AP3D1: variants seen among roughly 807,000 people sequenced by gnomAD.
The protein encoded by AP3D1 is adaptor related protein complex 3 subunit delta 1.
AP3D1 carries 51 observed loss-of-function variants against 147.6 expected under a neutral mutation model. That is an observed-to-expected ratio of 0.35 (90% CI 0.28 to 0.44). The LOEUF is 0.44. AP3D1 is among the 20% of genes least tolerant of loss of function. AP3D1 has a pLI of 1.00. For synonymous variants in AP3D1, 760 were observed against 663.0 expected, an observed-to-expected ratio of 1.15 and a Z score of -2.25; for missense variants, 1,421 against 1,624.2, an observed-to-expected ratio of 0.87 and a Z score of 2.15.
At chr19:2,131,418 C>T (rs1334580238) in intron 5 of AP3D1, among the ~76,000 whole-genome samples, 1 of 149,550 alleles carries the variant, frequency 6.7e-6, no homozygotes, top group African/African-American at 2.5e-5. Context: ...CCATCGGCCA[C>T]GATCTAGACA....
Position 2,139,316 on chromosome 19 carries a change from C to T in AP3D1, c.97-602G>A, listed in dbSNP as rs544267168. ...CACCGTTTGCCAACTCCTTGGTGGA[C>T]GAACATGTGGGGCCTTCCCACCTTC... On this transcript the variant is annotated intron_variant, in intron 1 of 31. Transcript: ENST00000643116. Among the ~76,000 whole-genome samples, 6 of 152,212 alleles carry T rather than the reference C, an allele frequency of 3.9e-5. No individual in the cohort carries two copies. The South Asian group carries it at 1.2e-3, about 32-fold the overall frequency.
intron 12 of AP3D1, 120 bp downstream of exon 12, chr19:2,121,614 C>T (rs1188088675): frequency 1.0e-5 from 14 of 1,374,494 alleles, no homozygotes; most frequent in African/African-American, 2.9e-5. Context: ...TGCCCCACCA[C>T]ACTAACTGAT....
At chr19:2,115,038 G>A (rs1056104107) in intron 20 of AP3D1, among the ~76,000 whole-genome samples, 181 bp downstream of exon 20, 18 of 152,202 alleles carry the variant, frequency 1.2e-4, no homozygotes, top group African/African-American at 2.7e-4. Flanking sequence ...TGCTGGCCCT[G>A]GGGCGGTGCG....
rs935724899 is a variant in AP3D1, at chr19:2,101,377, C to T, written c.*796G>A. ...CAGCCCAGGTCCGCTGCTTCCAGGC[C>T]CTGCCTGGGCCTTCCTAAGGGTGCT... On this transcript the variant is annotated 3_prime_UTR_variant, in exon 32 of 32. Coordinates refer to ENST00000643116, the MANE Select transcript of AP3D1 (RefSeq NM_001261826.3). The T allele has an allele frequency of 2.0e-5, 3 of 152,232 alleles. No individual in the cohort carries two copies. Among genetic ancestry groups the T allele is most frequent in the African/African-American group, 7.2e-5 (3 of 41,450 alleles). 9.4% of individuals were successfully genotyped at this position (152,232 alleles called of 1,614,324 possible).
intron 8 of AP3D1, 116 bp from the exon 9 acceptor site, chr19:2,127,317 C>A: frequency 8.9e-7 from 1 of 1,129,076 alleles, no homozygotes. Context: ...AGGGAGTGTG[C>A]CCCAGGAGGG....
At chr19:2,103,154 CTA>C (rs548150532) in intron 31 of AP3D1, among the ~76,000 whole-genome samples, 41 of 152,228 alleles carry the variant, frequency 2.7e-4, no homozygotes, top group Non-Finnish European at 5.3e-4. Flanking sequence ...CAAAAAAACA[CTA>C]TGTGCAAATA....
At chr19:2,109,313 C>T (rs2018199078) in intron 29 of AP3D1, 106 bp from the exon 30 acceptor site, 4 of 1,424,200 alleles carry the variant, frequency 2.8e-6, no homozygotes, top group East Asian at 2.5e-5. Context: ...GGACACCCTC[C>T]TGTGTGTCTG....
intron 1 of AP3D1, among the ~76,000 whole-genome samples, chr19:2,140,884 G>A (rs1005089261): frequency 6.7e-6 from 1 of 149,810 alleles, no homozygotes; most frequent in Non-Finnish European, 1.5e-5. Context: ...TCAGCCTCCT[G>A]AGTAGCTAGG....
Position 2,110,780 on chromosome 19 carries a change from G to A in AP3D1, c.3102C>T (p.Leu1034=). Residue 1034 remains leucine (L), a synonymous_variant, in exon 27 of 32, where the codon CTC becomes CTT. Transcript: ENST00000643116. The stretch of plus-strand genomic sequence containing the variant: ...CCTGCGGCCGGGCCATCCTGGCATT[G>A]AGTGAGTCCAGCACGCTGAGCTCCA... The part of the protein sequence containing the change: ...KGMELSVLDS[L]NARMARPQGS... The A allele has an allele frequency of 6.2e-7, 1 of 1,613,204 alleles. No homozygotes were observed. Among genetic ancestry groups the A allele is most frequent in the Non-Finnish European group, 8.5e-7 (1 of 1,179,988 alleles).
At chr19:2,155,784 G>T (rs935595504), upstream of AP3D1, among the ~76,000 whole-genome samples, 5 of 152,116 alleles carry the variant, frequency 3.3e-5, no homozygotes, top group African/African-American at 1.2e-4. Flanking sequence ...CGGGCGCGGT[G>T]GCTCACGGCT....
At chr19:2,148,496 T>G (rs1403491379) in intron 1 of AP3D1, among the ~76,000 whole-genome samples, 2 of 152,214 alleles carry the variant, frequency 1.3e-5, no homozygotes, top group African/African-American at 4.8e-5. Flanking sequence ...GCATAACCAT[T>G]AAATTGAATT....
intron 6 of AP3D1, among the ~76,000 whole-genome samples, 200 bp downstream of exon 6, chr19:2,130,208 G>A: frequency 6.6e-6 from 1 of 152,132 alleles, no homozygotes; most frequent in Non-Finnish European, 1.5e-5. Context: ...CTGCCACATT[G>A]GATCTTACTG....
At position 2,123,967 on chromosome 19, in the gene AP3D1, C is replaced by T. The variant is rs1324971343; in HGVS notation, c.857-88G>A. 1.3e-5 allele frequency: 19 copies of T among 1,415,452 alleles called. No homozygotes were observed. The South Asian group carries it at 1.8e-4, about 14-fold the overall frequency. 87.7% of individuals were successfully genotyped at this position (1,415,452 alleles called of 1,614,324 possible). The stretch of plus-strand genomic sequence containing the variant: ...GGGCCACGGGGCACCAGCACCCCCT[C>T]GCCGGGAGGAGGGATGGGAGGGAGG... On this transcript the variant is annotated intron_variant, in intron 9 of 31. Transcript: ENST00000643116.
chr19:2,113,107 G>C, intron 23 of AP3D1, 140 bp from the exon 24 acceptor site: 1 of 664,654 alleles, frequency 1.5e-6, no homozygotes, highest in South Asian at 1.9e-5. Flanking sequence ...CGAGTGACAG[G>C]GAGCCTGTGA....
chr19:2,127,843 T>C (rs536650919), intron 8 of AP3D1, among the ~76,000 whole-genome samples: 1 of 152,316 alleles, frequency 6.6e-6, no homozygotes, highest in Non-Finnish European at 1.5e-5. Context: ...GGTGTTTCGA[T>C]GTGTTCAGAC....
chr19:2,156,586 C>T (rs2019647070), intron 1 of AP3D1, among the ~76,000 whole-genome samples: 1 of 151,476 alleles, frequency 6.6e-6, no homozygotes, highest in East Asian at 2.0e-4. Context: ...CGCGGTGGCT[C>T]ACGCCTGTAA....
upstream of AP3D1, among the ~76,000 whole-genome samples, chr19:2,153,057 TA>T (rs34417814): frequency 0.027 from 3,066 of 113,976 alleles, 99 homozygotes; most frequent in African/African-American, 0.083. Flanking sequence ...ACACCCATCT[TA>T]AAAAAAAAAA....
chr19:2,119,570 C>CCTA (rs1258289237), intron 14 of AP3D1, among the ~76,000 whole-genome samples: 4 of 152,008 alleles, frequency 2.6e-5, no homozygotes, highest in African/African-American at 9.7e-5. Flanking sequence ...GTGGCGGGCG[C>CCTA]CTGTAGTCCC....
chr19:2,146,607 C>CAA (rs397859951), intron 1 of AP3D1, among the ~76,000 whole-genome samples: 95 of 66,576 alleles, frequency 1.4e-3, no homozygotes, highest in South Asian at 9.7e-3. Context: ...GACCCTGTCT[C>CAA]AAAAAAAAAA....
Sources: allele counts gnomAD v4.1 joint callset (sites outside exome capture counted in the v4.1 genomes callset), GRCh38; gene constraint gnomAD v4.1.1; transcripts MANE v1.5; gene names NCBI Gene and HGNC (gene_info 2026-07-23, HGNC 2026-07-21).